ABCG1: variants seen among roughly 807,000 people sequenced by gnomAD.
ABCG1 encodes the protein ATP binding cassette subfamily G member 1, also known as ATP-binding cassette sub-family G member 1.
Under a neutral mutation model 69.2 loss-of-function variants are expected in ABCG1, and 29 were observed. The observed-to-expected ratio is 0.42, with a 90% CI of 0.31 to 0.57. The LOEUF (loss-of-function observed/expected upper bound fraction) is 0.57. ABCG1 is among the 20% of genes least tolerant of loss of function. ABCG1 has a pLI of 0.15. For missense variants in ABCG1, 718 were observed against 898.1 expected (o/e 0.80, Z 2.56); for synonymous variants, 370 against 374.8 (o/e 0.99, Z 0.15).
intron 2 of ABCG1, among the ~76,000 whole-genome samples, chr21:42,268,388 T>TGTGTGCGCGCGC (rs57264459): frequency 1.8e-5 from 2 of 110,180 alleles, no homozygotes; most frequent in Middle Eastern, 4.5e-3. Flanking sequence ...TGTGTGTGTG[T>TGTGTGCGCGCGC]GCGCGCGCGC....
Position 42,219,673 on chromosome 21 carries a change from C to T in ABCG1, c.42+369C>T, listed in dbSNP as rs993101284. ...ACTGGGGACTGGGGAGGGGCCGCAG[C>T]TTGGGCCGGAGGGAAGAGGGGACTT... On this transcript the variant is annotated intron_variant, in intron 1 of 14. Coordinates refer to ENST00000398449, the MANE Select transcript of ABCG1 (RefSeq NM_016818.3). This position sits in a 1 kb window ranked among gnomAD's most constrained non-coding sequence, Gnocchi z 5.3. 1.4e-6 allele frequency: 1 copy of T among 719,612 alleles called. No individual in the cohort carries two copies. Among genetic ancestry groups the T allele is most frequent in the East Asian group, 3.3e-5 (1 of 30,496 alleles). The allele number at this position is 719,612 out of a possible 1,614,324, so 44.6% of individuals were successfully genotyped here. A position where few individuals can be genotyped will look rare whatever the true frequency, so the allele number is the denominator to read the frequency against.
chr21:42,257,896 CTTCA>C (rs769591381), intron 2 of ABCG1, among the ~76,000 whole-genome samples: 2 of 151,668 alleles, frequency 1.3e-5, no homozygotes, highest in Non-Finnish European at 1.5e-5. Context: ...CCACTCATCC[CTTCA>C]TTTACTCCAT....
At chr21:42,238,698 G>A (rs1220131877) in intron 2 of ABCG1, among the ~76,000 whole-genome samples, 2 of 152,208 alleles carry the variant, frequency 1.3e-5, no homozygotes, top group Admixed American at 6.5e-5. Context: ...GCTCACGGGC[G>A]AGGTTGATGC....
chr21:42,293,434 T>C (rs1293605650), intron 13 of ABCG1, among the ~76,000 whole-genome samples: 4 of 108,580 alleles, frequency 3.7e-5, no homozygotes, highest in East Asian at 6.5e-4. Flanking sequence ...CACTACACAC[T>C]ACACACCACA....
At position 42,288,092 on chromosome 21, in the gene ABCG1, C is replaced by T. The variant is rs763841527; in HGVS notation, c.1122+55C>T. On this transcript the variant is annotated intron_variant, in intron 9 of 14. Transcript: ENST00000398449. The surrounding 1 kb of genome is among the most constrained non-coding windows in gnomAD (Gnocchi z 4.8). Reference sequence around the variant, plus strand: ...GAGAAAGGTAATGCAAATCCCGAAGCCCCCTGGGGGAGGCTGCACGTGGCA... The same window carrying T: ...GAGAAAGGTAATGCAAATCCCGAAGTCCCCTGGGGGAGGCTGCACGTGGCA... 41 of 1,603,728 alleles carry T rather than the reference C, an allele frequency of 2.6e-5. No homozygotes were observed. In the South Asian group the frequency reaches 4.3e-4, roughly 17 times the overall value.
rs1237215017 is a variant in ABCG1 at position 42,226,187 on chromosome 21, A to G, written c.286+273A>G. On this transcript the variant is annotated intron_variant, in intron 2 of 14. Transcript: ENST00000398449. ...ATTTCACAAAGATTGACGGGTGTCA[A>G]AGTGTGCCTGTTTCTGGCATGTGCT... 2.0e-5 allele frequency among the ~76,000 whole-genome samples: 3 copies of G among 152,190 alleles called. No individual in the cohort carries two copies. In the East Asian group the frequency reaches 5.8e-4, roughly 29 times the overall value.
intron 2 of ABCG1, among the ~76,000 whole-genome samples, chr21:42,265,248 C>T (rs1411492054): frequency 6.6e-6 from 1 of 152,200 alleles, no homozygotes; most frequent in Non-Finnish European, 1.5e-5. Flanking sequence ...CCCCGGGTGA[C>T]GCTTTCTCCC....
At chr21:42,267,197 C>T (rs376768323) in intron 2 of ABCG1, among the ~76,000 whole-genome samples, 43 of 152,342 alleles carry the variant, frequency 2.8e-4, no homozygotes, top group Non-Finnish European at 5.3e-4. Context: ...CGGCCCTGCC[C>T]GCCTAGCGCT....
intron 2 of ABCG1, among the ~76,000 whole-genome samples, chr21:42,228,046 T>C (rs1345779296): frequency 6.6e-6 from 1 of 152,212 alleles, no homozygotes; most frequent in African/African-American, 2.4e-5. Context: ...CATCACCCAG[T>C]ATGTGACTTG....
chr21:42,256,014 G>C, intron 2 of ABCG1: 1 of 506,480 alleles, frequency 2.0e-6, no homozygotes, highest in Non-Finnish European at 3.1e-6. Context: ...GGAGCCCCTA[G>C]AGCAGTAGCA....
At chr21:42,244,094 C>T (rs1001845438) in intron 2 of ABCG1, among the ~76,000 whole-genome samples, 19 of 152,326 alleles carry the variant, frequency 1.2e-4, no homozygotes, top group African/African-American at 4.3e-4. Context: ...GCTGGGATTA[C>T]AGGCGTGAGC....
intron 2 of ABCG1, chr21:42,206,995 T>C (rs556929128): frequency 6.6e-6 from 1 of 152,134 alleles, no homozygotes; most frequent in Admixed American, 6.5e-5. Flanking sequence ...AGGTAAGGTA[T>C]TGTTTCTCTC....
rs536343601 is a variant in ABCG1 at position 42,284,687 on chromosome 21, C to T, written c.858+4C>T. 10 of 1,612,254 alleles carry T rather than the reference C, an allele frequency of 6.2e-6. No homozygotes were observed. In the East Asian group the frequency reaches 6.7e-5, roughly 11 times the overall value. ...ACTCTTCGAGCTGTTCGACCAGGTACGCGGGCCCCGGGCCCTCCCCGCCAG... is the reference window on the plus strand; with the variant it reads ...ACTCTTCGAGCTGTTCGACCAGGTATGCGGGCCCCGGGCCCTCCCCGCCAG... On this transcript the variant is annotated splice_donor_region_variant and intron_variant, in intron 7 of 14. Coordinates refer to ENST00000398449, the MANE Select transcript of ABCG1 (RefSeq NM_016818.3).
intron 8 of ABCG1, among the ~76,000 whole-genome samples, chr21:42,286,438 T>C (rs1287959314): frequency 6.6e-6 from 1 of 152,206 alleles, no homozygotes; most frequent in Non-Finnish European, 1.5e-5. Flanking sequence ...TTCATGCAAT[T>C]CCCAGGACTC....
chr21:42,255,370 G>A (rs1352551885), intron 2 of ABCG1, among the ~76,000 whole-genome samples: 1 of 152,178 alleles, frequency 6.6e-6, no homozygotes, highest in Non-Finnish European at 1.5e-5. Flanking sequence ...TGCACATGAT[G>A]CACATGTGTG....
chr21:42,293,452 CACACACCACACTACACAGT>C (rs2069130321), intron 13 of ABCG1, among the ~76,000 whole-genome samples: 1 of 149,614 alleles, frequency 6.7e-6, no homozygotes, highest in African/African-American at 2.5e-5. Flanking sequence ...ACACACTACA[CACACACCACACTACACAGT>C]ACACACCACA....
At chr21:42,235,711 T>C (rs2067969766) in intron 2 of ABCG1, among the ~76,000 whole-genome samples, 1 of 152,214 alleles carries the variant, frequency 6.6e-6, no homozygotes, top group African/African-American at 2.4e-5. Flanking sequence ...GGTTGTATCA[T>C]GCGGATGAGG....
chr21:42,208,571 C>T (rs1250337780), intron 2 of ABCG1, among the ~76,000 whole-genome samples: 1 of 152,184 alleles, frequency 6.6e-6, no homozygotes, highest in African/African-American at 2.4e-5. Context: ...CGTCTTCACC[C>T]AATAAATACC....
At chr21:42,228,036 C>T (rs975936808) in intron 2 of ABCG1, among the ~76,000 whole-genome samples, 1 of 152,236 alleles carries the variant, frequency 6.6e-6, no homozygotes, top group African/African-American at 2.4e-5. Flanking sequence ...AGCCAAACCA[C>T]ATCACCCAGT....
Sources: allele counts gnomAD v4.1 joint callset (sites outside exome capture counted in the v4.1 genomes callset), GRCh38; gene constraint gnomAD v4.1.1; non-coding constraint Gnocchi (gnomAD v3.1); transcripts MANE v1.5; gene names NCBI Gene and HGNC (gene_info 2026-07-23, HGNC 2026-07-21).